RSL24D1: variants seen among roughly 807,000 people sequenced by gnomAD.
RSL24D1 encodes the protein probable ribosome biogenesis protein RLP24.
Under a neutral mutation model 26.2 loss-of-function variants are expected in RSL24D1, and 6 were observed. That is an observed-to-expected ratio of 0.23 (90% confidence interval 0.13 to 0.45). RSL24D1 has a LOEUF of 0.45. RSL24D1 is among the 20% of genes least tolerant of loss of function. The probability of loss-of-function intolerance (pLI) is 0.99; values close to 1 mark genes in which losing one functional copy is unlikely to be tolerated. For missense variants in RSL24D1, 176 were observed against 202.6 expected, an observed-to-expected ratio of 0.87 and a Z score of 0.80; for synonymous variants, 61 against 59.1, an observed-to-expected ratio of 1.03 and a Z score of -0.15.
At chr15:55,194,638 C>G (rs1475940069) in intron 1 of RSL24D1, among the ~76,000 whole-genome samples, 2 of 152,040 alleles carry the variant, frequency 1.3e-5, no homozygotes, top group African/African-American at 4.8e-5. Context: ...TCCCTGTTTG[C>G]AAAGTATGTG....
chr15:55,195,071 G>C (rs1328496692), intron 1 of RSL24D1, among the ~76,000 whole-genome samples: 1 of 150,376 alleles, frequency 6.6e-6, no homozygotes, highest in Non-Finnish European at 1.5e-5. Context: ...TATAAAAGTG[G>C]TAAGAGCCTA....
At chr15:55,184,449 G>C (rs1001938704) in intron 4 of RSL24D1, among the ~76,000 whole-genome samples, 1 of 152,112 alleles carries the variant, frequency 6.6e-6, no homozygotes, top group African/African-American at 2.4e-5. Context: ...TGATGGAAAA[G>C]GGAAAGCTCT....
At chr15:55,184,494 A>G (rs1894203263) in intron 4 of RSL24D1, among the ~76,000 whole-genome samples, 1 of 152,214 alleles carries the variant, frequency 6.6e-6, no homozygotes. Flanking sequence ...AAAATGTAGA[A>G]GAAATGATGG....
At chr15:55,190,138 C>A (rs530655036) in intron 3 of RSL24D1, among the ~76,000 whole-genome samples, 1 of 151,430 alleles carries the variant, frequency 6.6e-6, no homozygotes, top group Non-Finnish European at 1.5e-5. Flanking sequence ...ATCCCAGCTA[C>A]CTGGGAGGCT....
At chr15:55,185,043 A>G (rs965564893) in intron 4 of RSL24D1, among the ~76,000 whole-genome samples, 1 of 152,214 alleles carries the variant, frequency 6.6e-6, no homozygotes, top group African/African-American at 2.4e-5. Flanking sequence ...TAGATTATAT[A>G]ATAGTATTAC....
chr15:55,191,523 G>T (rs140249091), intron 2 of RSL24D1, among the ~76,000 whole-genome samples: 1 of 151,694 alleles, frequency 6.6e-6, no homozygotes, highest in Non-Finnish European at 1.5e-5. Flanking sequence ...AAATATCTAT[G>T]TTATAGCAAA....
Position 55,180,833 on chromosome 15 carries a change from A to C in RSL24D1, c.*1319T>G, listed in dbSNP as rs372845004. 8 of 152,214 alleles carry C rather than the reference A, an allele frequency of 5.3e-5. No homozygotes were observed. The highest frequency in any genetic ancestry group is 1.4e-4 in the African/African-American group (6 of 41,446). 9.4% of individuals were successfully genotyped at this position (152,214 alleles called of 1,614,324 possible). A position where few individuals can be genotyped will look rare whatever the true frequency, so the allele number is the denominator to read the frequency against. Reference sequence around the variant, plus strand: ...ACTTTCAAAATGTTTATTTCTTTAAAAAATGAATACGGTATGTAGTAAAAA... The same window carrying C: ...ACTTTCAAAATGTTTATTTCTTTAACAAATGAATACGGTATGTAGTAAAAA... On this transcript the variant is annotated 3_prime_UTR_variant, in exon 6 of 6. Coordinates refer to ENST00000260443, the MANE Select transcript of RSL24D1 (RefSeq NM_016304.3).
intron 3 of RSL24D1, 88 bp downstream of exon 3, chr15:55,190,887 T>C (rs1185398485): frequency 2.4e-6 from 2 of 832,042 alleles, no homozygotes; most frequent in Non-Finnish European, 1.9e-6. Flanking sequence ...GAAAATTCAA[T>C]ATTTAAACAA....
intron 3 of RSL24D1, among the ~76,000 whole-genome samples, chr15:55,188,655 T>C (rs937899352): frequency 8.5e-5 from 13 of 152,198 alleles, no homozygotes; most frequent in Non-Finnish European, 2.9e-5. Context: ...TGTGAAGTCA[T>C]ACAGAACACA....
intron 2 of RSL24D1, among the ~76,000 whole-genome samples, chr15:55,191,296 G>A (rs993148624): frequency 6.6e-6 from 1 of 152,116 alleles, no homozygotes; most frequent in Non-Finnish European, 1.5e-5. Flanking sequence ...CCATCCCTCA[G>A]AAGGGCATAT....
At chr15:55,189,445 G>A (rs1313075398) in intron 3 of RSL24D1, among the ~76,000 whole-genome samples, 1 of 152,020 alleles carries the variant, frequency 6.6e-6, no homozygotes, top group Non-Finnish European at 1.5e-5. Flanking sequence ...AGACCCAAAG[G>A]GTACAATAAT....
chr15:55,183,765 T>C (rs1894195092), intron 4 of RSL24D1, among the ~76,000 whole-genome samples: 1 of 152,120 alleles, frequency 6.6e-6, no homozygotes, highest in Non-Finnish European at 1.5e-5. Flanking sequence ...CTCAAAGTGG[T>C]TTTTTAGTTC....
chr15:55,184,521 A>G (rs752586546), intron 4 of RSL24D1, among the ~76,000 whole-genome samples: 1 of 152,208 alleles, frequency 6.6e-6, no homozygotes, highest in Non-Finnish European at 1.5e-5. Flanking sequence ...AAAAACCACC[A>G]TTTGGCAACA....
chr15:55,186,178 C>T (rs1047023665), intron 3 of RSL24D1, among the ~76,000 whole-genome samples: 8 of 152,148 alleles, frequency 5.3e-5, no homozygotes, highest in African/African-American at 1.4e-4. Flanking sequence ...CTTCAAAATC[C>T]AGCATTCATT....
In RSL24D1 at chr15:55,181,777, A is replaced by G. The variant is rs1016757425; in HGVS notation, c.*375T>C. 3.7e-5 allele frequency: 6 copies of G among 162,984 alleles called. No homozygotes were observed. The highest frequency in any genetic ancestry group is 1.4e-4 in the African/African-American group (6 of 41,852). 10.1% of individuals were successfully genotyped at this position (162,984 alleles called of 1,614,324 possible). A position where few individuals can be genotyped will look rare whatever the true frequency, so the allele number is the denominator to read the frequency against. ...GTATCCCCCCTTCTATAACATTAAC[A>G]AAGGGAATATTTTACTGCAAAGAAT... On this transcript the variant is annotated 3_prime_UTR_variant, in exon 6 of 6. Transcript: ENST00000260443.
rs1405153768 is a variant in RSL24D1, at chr15:55,193,836, AT to A, written c.82-1004del. ...GACACTAGAGTGAAAGCATGTCTAT[AT>A]CCTTGAGTTAGTTTCAAATAGACTA... On this transcript the variant is annotated intron_variant, in intron 1 of 5. Transcript: ENST00000260443. Among the ~76,000 whole-genome samples the A allele has an allele frequency of 5.9e-5, 9 of 152,298 alleles. No homozygotes were observed. In the East Asian group the frequency reaches 1.5e-3, roughly 26 times the overall value.
chr15:55,186,143 T>C (rs1894221551), intron 3 of RSL24D1, among the ~76,000 whole-genome samples: 1 of 152,184 alleles, frequency 6.6e-6, no homozygotes, highest in African/African-American at 2.4e-5. Flanking sequence ...TAGTGAAACA[T>C]TTTATCCTTG....
chr15:55,191,368 A>G (rs1894295628), intron 2 of RSL24D1, among the ~76,000 whole-genome samples: 1 of 152,162 alleles, frequency 6.6e-6, no homozygotes, highest in Admixed American at 6.5e-5. Flanking sequence ...GATAAGATTC[A>G]AAGCCAGAAA....
At chr15:55,187,150 A>C (rs1205857649) in intron 3 of RSL24D1, among the ~76,000 whole-genome samples, 1 of 152,224 alleles carries the variant, frequency 6.6e-6, no homozygotes, top group Non-Finnish European at 1.5e-5. Context: ...AACAAAAACC[A>C]CCAGGACAAT....
Sources: allele counts gnomAD v4.1 joint callset (sites outside exome capture counted in the v4.1 genomes callset), GRCh38; gene constraint gnomAD v4.1.1; transcripts MANE v1.5; gene names NCBI Gene and HGNC (gene_info 2026-07-23, HGNC 2026-07-21).